FMN1: variants seen among roughly 807,000 people sequenced by gnomAD.
The protein encoded by FMN1 is formin-1.
Under a neutral mutation model 132.4 loss-of-function variants are expected in FMN1, and 110 were observed. The observed-to-expected ratio is 0.83, with a 90% CI of 0.71 to 0.97. The LOEUF (loss-of-function observed/expected upper bound fraction) is 0.97, where lower values mean the gene tolerates loss of function less well. FMN1 is among the 50% of genes least tolerant of loss of function. The probability of loss-of-function intolerance (pLI) is 0.00; values close to 1 mark genes in which losing one functional copy is unlikely to be tolerated. For missense variants in FMN1, 1,792 were observed against 1,705.3 expected, an observed-to-expected ratio of 1.05 and a Z score of -0.90; for synonymous variants, 722 against 651.7, an observed-to-expected ratio of 1.11 and a Z score of -1.64.
chr15:33,159,659 C>G (rs1964811646), intron 3 of FMN1, among the ~76,000 whole-genome samples: 1 of 152,226 alleles, frequency 6.6e-6, no homozygotes, highest in Admixed American at 6.5e-5. Flanking sequence ...GAAGACCAGG[C>G]TTTGAAGTAT....
intron 5 of FMN1, among the ~76,000 whole-genome samples, chr15:33,077,793 CAAA>C (rs796706510): frequency 8.7e-6 from 1 of 115,104 alleles, no homozygotes; most frequent in Admixed American, 8.6e-5. Flanking sequence ...AACAAATTTA[CAAA>C]AAAAAAAAAA....
chr15:33,098,142 A>C (rs1595465356), intron 4 of FMN1, among the ~76,000 whole-genome samples: 1 of 152,218 alleles, frequency 6.6e-6, no homozygotes, highest in South Asian at 2.1e-4. Context: ...CATACACTTC[A>C]AAATAACTCA....
chr15:33,193,143 G>T (rs1966136679), intron 2 of FMN1, among the ~76,000 whole-genome samples: 1 of 152,150 alleles, frequency 6.6e-6, no homozygotes, highest in African/African-American at 2.4e-5. Flanking sequence ...ACAGTTGAGA[G>T]AAAGGAGACT....
At chr15:32,925,384 C>T (rs2060934730) in intron 10 of FMN1, among the ~76,000 whole-genome samples, 1 of 152,288 alleles carries the variant, frequency 6.6e-6, no homozygotes, top group South Asian at 2.1e-4. Context: ...TTCTTCCACT[C>T]AGATTAAGTC....
intron 7 of FMN1, among the ~76,000 whole-genome samples, chr15:33,000,273 T>C (rs28404179): frequency 0.12 from 18,915 of 151,564 alleles, 1,304 homozygotes; most frequent in Middle Eastern, 0.19. Context: ...CACGGTGAAA[T>C]CCCGTCTCTA....
At chr15:32,940,835 T>G (rs1427892145) in intron 9 of FMN1, among the ~76,000 whole-genome samples, 1 of 152,076 alleles carries the variant, frequency 6.6e-6, no homozygotes, top group Non-Finnish European at 1.5e-5. Context: ...GCCACTAGGG[T>G]AAAGGTTCTT....
rs924332818 is a variant in FMN1, at chr15:33,108,936, C to T, written c.1868-19962G>A. Among the ~76,000 whole-genome samples, 126 of 152,102 alleles carry T rather than the reference C, an allele frequency of 8.3e-4. 1 individual carries two copies. Among genetic ancestry groups the T allele is most frequent in the African/African-American group, 2.9e-3 (121 of 41,446 alleles). ...TACCACTCTGCCTCCCAATATGAAT[C>T]CTTCAGACAATCAATCAGTTACCAG... is the stretch of plus-strand genomic sequence containing the variant. On this transcript the variant is annotated intron_variant, in intron 4 of 20. Transcript: ENST00000616417.
At chr15:32,920,830 C>A (rs1486212969) in intron 10 of FMN1, among the ~76,000 whole-genome samples, 1 of 152,216 alleles carries the variant, frequency 6.6e-6, no homozygotes, top group African/African-American at 2.4e-5. Flanking sequence ...TCCAAATATC[C>A]CTCATACGTG....
At chr15:33,139,471 A>T (rs142454086) in intron 4 of FMN1, among the ~76,000 whole-genome samples, 2,313 of 152,234 alleles carry the variant, frequency 0.015, 60 homozygotes, top group African/African-American at 0.053. Flanking sequence ...CACACCTATA[A>T]TCCCAACTAC....
intron 4 of FMN1, among the ~76,000 whole-genome samples, chr15:33,108,313 CAT>C (rs1176502977): frequency 3.9e-5 from 6 of 152,010 alleles, no homozygotes; most frequent in Non-Finnish European, 8.8e-5. Context: ...GGGGGAAAAA[CAT>C]AAAGCTAAAG....
intron 3 of FMN1, among the ~76,000 whole-genome samples, chr15:33,166,085 G>C (rs1192594030): frequency 6.6e-6 from 1 of 152,162 alleles, no homozygotes; most frequent in African/African-American, 2.4e-5. Context: ...CACAAAAGAA[G>C]TTCTTTGGTT....
intron 16 of FMN1, among the ~76,000 whole-genome samples, chr15:32,880,266 CTCTT>C (rs2059736318): frequency 6.6e-6 from 1 of 152,158 alleles, no homozygotes; most frequent in Admixed American, 6.5e-5. Context: ...CGCACATTTC[CTCTT>C]TCTCTCACAC....
intron 6 of FMN1, among the ~76,000 whole-genome samples, chr15:33,017,561 CTA>C (rs1168556089): frequency 2.0e-5 from 3 of 152,006 alleles, no homozygotes; most frequent in Non-Finnish European, 2.9e-5. Flanking sequence ...AGCCTAATTT[CTA>C]TATCAGAAAA....
intron 17 of FMN1, among the ~76,000 whole-genome samples, chr15:32,854,692 C>T (rs1052908675): frequency 6.6e-6 from 1 of 151,966 alleles, no homozygotes; most frequent in Non-Finnish European, 1.5e-5. Flanking sequence ...GCGGGTGGAT[C>T]GCCTGAGGTC....
intron 17 of FMN1, among the ~76,000 whole-genome samples, chr15:32,810,273 A>C (rs1315468924): frequency 6.6e-6 from 1 of 152,234 alleles, no homozygotes; most frequent in Non-Finnish European, 1.5e-5. Flanking sequence ...ATGTTAGCAG[A>C]ACACAGTCCC....
intron 2 of FMN1, among the ~76,000 whole-genome samples, chr15:33,181,097 G>C (rs1228110759): frequency 6.6e-6 from 1 of 152,106 alleles, no homozygotes; most frequent in Non-Finnish European, 1.5e-5. Flanking sequence ...GGCCTGAAAG[G>C]CTCCGTGTGG....
chr15:33,121,610 C>A (rs574224429), intron 4 of FMN1, among the ~76,000 whole-genome samples: 1 of 152,242 alleles, frequency 6.6e-6, no homozygotes, highest in South Asian at 2.1e-4. Context: ...CTCACTGCAA[C>A]CTCCACCTCC....
intron 4 of FMN1, among the ~76,000 whole-genome samples, chr15:33,099,426 G>A (rs981211168): frequency 6.6e-6 from 1 of 152,088 alleles, no homozygotes; most frequent in Non-Finnish European, 1.5e-5. Context: ...AGGCATCTAG[G>A]GTGATTGCTA....
At chr15:32,881,278 TAC>T (rs2059763651) in intron 16 of FMN1, among the ~76,000 whole-genome samples, 1 of 152,220 alleles carries the variant, frequency 6.6e-6, no homozygotes, top group South Asian at 2.1e-4. Context: ...AAACTTGTGG[TAC>T]ATGTAAGTCT....
Sources: allele counts gnomAD v4.1 joint callset (sites outside exome capture counted in the v4.1 genomes callset), GRCh38; gene constraint gnomAD v4.1.1; transcripts MANE v1.5; gene names NCBI Gene and HGNC (gene_info 2026-07-23, HGNC 2026-07-21).